LEPR: variants seen among roughly 807,000 people sequenced by gnomAD.
LEPR encodes leptin receptor.
A neutral mutation model predicts 114.7 loss-of-function variants in LEPR; 56 were observed. That is an observed-to-expected ratio of 0.49 (90% CI 0.39 to 0.61). LEPR has a LOEUF of 0.61. Ranked by LOEUF, LEPR falls within the 20% of genes least tolerant of loss-of-function variation. The pLI is 0.00. For synonymous variants in LEPR, 443 were observed against 461.4 expected (o/e 0.96, Z 0.51); for missense variants, 1,202 against 1,352.9 (o/e 0.89, Z 1.75).
intron 2 of LEPR, among the ~76,000 whole-genome samples, chr1:65,509,615 T>C (rs1402478863): frequency 2.0e-5 from 3 of 152,220 alleles, no homozygotes; most frequent in African/African-American, 7.2e-5. Flanking sequence ...CAGTTTAGTC[T>C]CCTTGACTTT....
At chr1:65,527,015 C>G (rs1443015470) in intron 2 of LEPR, among the ~76,000 whole-genome samples, 1 of 152,192 alleles carries the variant, frequency 6.6e-6, no homozygotes, top group Admixed American at 6.5e-5. Flanking sequence ...ATTTACACCT[C>G]TCATACTACC....
At chr1:65,475,073 CAA>C (rs764042791) in intron 2 of LEPR, among the ~76,000 whole-genome samples, 8 of 85,800 alleles carry the variant, frequency 9.3e-5, no homozygotes, top group Non-Finnish European at 2.1e-4. Flanking sequence ...AAAAAAAAGA[CAA>C]GAGAATTATA....
At chr1:65,485,389 C>A (rs1030049810) in intron 2 of LEPR, among the ~76,000 whole-genome samples, 1 of 152,008 alleles carries the variant, frequency 6.6e-6, no homozygotes, top group Non-Finnish European at 1.5e-5. Flanking sequence ...GTGATTATAT[C>A]CTTTTTACAA....
At chr1:65,435,833 T>C in intron 2 of LEPR, 1 of 983,176 alleles carries the variant, frequency 1.0e-6, no homozygotes, top group Non-Finnish European at 1.2e-6. Context: ...TAATTCTCCT[T>C]TTTCCATTTT....
chr1:65,546,941 G>T (rs1651788131), intron 2 of LEPR, among the ~76,000 whole-genome samples: 2 of 152,230 alleles, frequency 1.3e-5, no homozygotes, highest in South Asian at 4.1e-4. Context: ...TATTGGCTGT[G>T]GATTTGTCAT....
At position 65,639,422 on chromosome 1, in the gene LEPR, AT is replaced by A. The variant is rs1658803952; in HGVS notation, c.*2410del. On this transcript the variant is annotated 3_prime_UTR_variant, in exon 20 of 20. Transcript: ENST00000349533. The stretch of plus-strand genomic sequence containing the variant: ...TTATTGTCAATGGGCTTGAATTCTG[AT>A]TTCCACTTTTGAAAGTTTATTTCAC... The A allele has an allele frequency of 6.6e-6, 1 of 152,176 alleles. No homozygotes were observed. Among genetic ancestry groups the A allele is most frequent in the Non-Finnish European group, 1.5e-5 (1 of 68,020 alleles). The allele number at this position is 152,176 out of a possible 1,614,324, so 9.4% of individuals were successfully genotyped here. A position where few individuals can be genotyped will look rare whatever the true frequency, so the allele number is the denominator to read the frequency against.
chr1:65,470,218 G>T (rs1200404117), intron 2 of LEPR, among the ~76,000 whole-genome samples: 5 of 152,138 alleles, frequency 3.3e-5, no homozygotes, highest in African/African-American at 1.2e-4. Context: ...CATTTTAATA[G>T]CCCAAGAGGG....
chr1:65,446,839 T>A (rs1646720215), intron 2 of LEPR, among the ~76,000 whole-genome samples: 1 of 152,196 alleles, frequency 6.6e-6, no homozygotes, highest in South Asian at 2.1e-4. Flanking sequence ...AAAATCTAAT[T>A]TATCTTTTTT....
chr1:65,538,889 G>A (rs987042050), intron 2 of LEPR, among the ~76,000 whole-genome samples: 3 of 151,560 alleles, frequency 2.0e-5, no homozygotes, highest in Admixed American at 6.6e-5. Context: ...TATCTCTTGT[G>A]CCTTTTATCT....
chr1:65,588,579 T>A lies in LEPR; in HGVS notation c.495-4078T>A, dbSNP rs566556744. On this transcript the variant is annotated intron_variant, in intron 5 of 19. Coordinates refer to ENST00000349533, the MANE Select transcript of LEPR (RefSeq NM_002303.6). The stretch of plus-strand genomic sequence containing the variant: ...TAATCCCACCCTCATGCTCCTACCA[T>A]TGGTACTTCCTCCTCCCACCCCACC... Among the ~76,000 whole-genome samples the A allele has an allele frequency of 1.9e-3, 286 of 152,124 alleles. 2 individuals are homozygous for A. The highest frequency in any genetic ancestry group is 6.6e-3 in the African/African-American group (274 of 41,538).
intron 2 of LEPR, among the ~76,000 whole-genome samples, chr1:65,512,260 C>T (rs1312850087): frequency 6.6e-6 from 1 of 152,164 alleles, no homozygotes; most frequent in Non-Finnish European, 1.5e-5. Context: ...GAAACTGCCC[C>T]CATGATCCAA....
At chr1:65,543,572 G>A (rs1651406684) in intron 2 of LEPR, among the ~76,000 whole-genome samples, 2 of 151,910 alleles carry the variant, frequency 1.3e-5, no homozygotes, top group South Asian at 4.1e-4. Context: ...GTGTTGCCTA[G>A]GTTTTCTTCT....
At chr1:65,462,576 C>T (rs1451878305) in intron 2 of LEPR, among the ~76,000 whole-genome samples, 1 of 152,238 alleles carries the variant, frequency 6.6e-6, no homozygotes, top group Admixed American at 6.5e-5. Context: ...AATCGCCACA[C>T]TGTCTTCCAC....
At chr1:65,475,466 C>T (rs889885918) in intron 2 of LEPR, among the ~76,000 whole-genome samples, 2 of 152,204 alleles carry the variant, frequency 1.3e-5, no homozygotes, top group African/African-American at 2.4e-5. Flanking sequence ...TGGGCTGGCT[C>T]ATCCTTATGG....
chr1:65,627,610 G>A (rs1352301240), intron 19 of LEPR, among the ~76,000 whole-genome samples: 1 of 152,110 alleles, frequency 6.6e-6, no homozygotes, highest in Non-Finnish European at 1.5e-5. Context: ...TCCTAGGTAT[G>A]TACTCAATAG....
At chr1:65,634,802 T>C in intron 19 of LEPR, 1 of 896,746 alleles carries the variant, frequency 1.1e-6, no homozygotes, top group Non-Finnish European at 1.3e-6. Flanking sequence ...AGTGCATATA[T>C]AGTAGAAGCC....
At chr1:65,477,059 T>C (rs1647167309) in intron 2 of LEPR, among the ~76,000 whole-genome samples, 1 of 152,168 alleles carries the variant, frequency 6.6e-6, no homozygotes, top group South Asian at 2.1e-4. Context: ...AAATTGCACT[T>C]TATGTGTTTC....
intron 19 of LEPR, chr1:65,635,377 G>A: frequency 1.0e-6 from 1 of 984,410 alleles, no homozygotes; most frequent in Non-Finnish European, 1.2e-6. Context: ...GTAGTTGTTT[G>A]GCAGGATTTT....
Position 65,638,175 on chromosome 1 carries a change from C to A in LEPR, c.*1160C>A, listed in dbSNP as rs1230253616. 6.6e-6 allele frequency: 1 copy of A among 151,994 alleles called. No individual in the cohort carries two copies. The highest frequency in any genetic ancestry group is 1.5e-5 in the Non-Finnish European group (1 of 68,014). 9.4% of individuals were successfully genotyped at this position (151,994 alleles called of 1,614,324 possible). On this transcript the variant is annotated 3_prime_UTR_variant, in exon 20 of 20. Transcript: ENST00000349533. The stretch of plus-strand genomic sequence containing the variant: ...AACTAGCCGGGGCAACATAGTGAGG[C>A]CTCGTCTCTACAAAAAACACAAAAA...
Sources: gnomAD v4.1 joint callset for allele counts (sites outside exome capture counted in the v4.1 genomes callset) on GRCh38, gnomAD v4.1.1 for gene constraint, MANE v1.5 for transcripts, NCBI Gene and HGNC (gene_info 2026-07-23, HGNC 2026-07-21) for gene names.